STK36: variants seen among roughly 807,000 people sequenced by gnomAD.
The protein encoded by STK36 is serine/threonine kinase 36.
STK36 carries 116 observed loss-of-function variants against 142.2 expected under a neutral mutation model. The ratio of observed to expected loss-of-function variants is 0.82; its 90% CI spans 0.70 to 0.95. The LOEUF (loss-of-function observed/expected upper bound fraction) is 0.95. STK36 is among the 40% of genes least tolerant of loss of function. STK36 has a pLI of 0.00. For missense variants in STK36, 1,422 were observed against 1,617.2 expected (o/e 0.88, Z 2.07); for synonymous variants, 619 against 641.7 (o/e 0.96, Z 0.53).
rs1282789350 is a variant in STK36 at position 218,692,689 on chromosome 2, C to T, written c.2022C>T (p.Asp674=). The change falls in exon 16 of 27, where the codon GAC becomes GAT. Residue 674 remains aspartate, a synonymous_variant. Coordinates refer to ENST00000295709, the MANE Select transcript of STK36 (RefSeq NM_015690.5). ...GCACTGCTCCTGTGGGACTGCCCGACTGCTGGGATGCCAAGGAGCAGGTCC... is the reference window on the plus strand; with the variant it reads ...GCACTGCTCCTGTGGGACTGCCCGATTGCTGGGATGCCAAGGAGCAGGTCC... ...AICTAPVGLP[D]CWDAKEQVCW... 19 of 1,613,280 alleles carry T rather than the reference C, an allele frequency of 1.2e-5. No individual in the cohort carries two copies. In the East Asian group the frequency reaches 4.2e-4, roughly 36 times the overall value.
At position 218,697,590 on chromosome 2, in the gene STK36, C is replaced by T; in HGVS notation, c.2889C>T (p.Phe963=). 3 of 1,614,184 alleles carry T rather than the reference C, an allele frequency of 1.9e-6. No individual in the cohort carries two copies. Among genetic ancestry groups the T allele is most frequent in the African/African-American group, 1.3e-5 (1 of 75,060 alleles). Residue 963 remains phenylalanine, a synonymous_variant, in exon 24 of 27, where the codon TTC becomes TTT. Transcript: ENST00000295709. ...TGAAGCATCTGCTTTGCCCCAGCTT[C>T]CTGAATCAACTGCGCCAGGCGTGAG... ...SILKHLLCPS[F]LNQLRQAPHG... is the part of the protein sequence containing the mutation.
intron 6 of STK36, among the ~76,000 whole-genome samples, chr2:218,677,248 T>TA (rs1322841077): frequency 1.3e-5 from 2 of 152,186 alleles, no homozygotes; most frequent in African/African-American, 4.8e-5. Context: ...TACACACTTT[T>TA]AAACAGCCAG....
At chr2:218,701,056 G>A (rs1239339600) in intron 26 of STK36, among the ~76,000 whole-genome samples, 1 of 151,026 alleles carries the variant, frequency 6.6e-6, no homozygotes, top group African/African-American at 2.4e-5. Context: ...ATCTACATAT[G>A]GTAATATAAA....
chr2:218,680,373 AAC>A (rs1940461215), intron 9 of STK36, among the ~76,000 whole-genome samples: 1 of 152,190 alleles, frequency 6.6e-6, no homozygotes, highest in Non-Finnish European at 1.5e-5. Context: ...CATAGGTGAA[AAC>A]TGCAAAGTAG....
chr2:218,682,631 G>A (rs957256621), intron 10 of STK36, among the ~76,000 whole-genome samples: 1 of 152,086 alleles, frequency 6.6e-6, no homozygotes, highest in Admixed American at 6.6e-5. Context: ...GTCTTACTCT[G>A]TTGCCAGGGT....
chr2:218,695,730 G>C (rs906429759), intron 21 of STK36, among the ~76,000 whole-genome samples: 1 of 150,660 alleles, frequency 6.6e-6, no homozygotes, highest in Non-Finnish European at 1.5e-5. Context: ...TAGAGATGGG[G>C]TTTCACCATG....
chr2:218,682,029 G>A (rs1001891530), intron 10 of STK36, among the ~76,000 whole-genome samples: 4 of 152,200 alleles, frequency 2.6e-5, no homozygotes, highest in African/African-American at 9.6e-5. Flanking sequence ...CTGGGTTCAA[G>A]CGATTCTCCT....
rs1383899479 is a variant in STK36 at position 218,690,110 on chromosome 2, G to A, written c.1658+154G>A. Among the ~76,000 whole-genome samples, 7 of 152,146 alleles carry A rather than the reference G, an allele frequency of 4.6e-5. No individual in the cohort carries two copies. In the East Asian group the frequency reaches 1.3e-3, roughly 29 times the overall value. On this transcript the variant is annotated intron_variant, in intron 13 of 26. Coordinates refer to ENST00000295709, the MANE Select transcript of STK36 (RefSeq NM_015690.5). ...AGTGGCCACTCATAGTCCTTTTAAGGACCCTAAGACAGCTCCAACTTGGCC... is the reference window on the plus strand; with the variant it reads ...AGTGGCCACTCATAGTCCTTTTAAGAACCCTAAGACAGCTCCAACTTGGCC...
chr2:218,688,593 T>C (rs1032752879), intron 11 of STK36, 104 bp from the exon 12 acceptor site: 109 of 1,244,412 alleles, frequency 8.8e-5, no homozygotes, highest in Admixed American at 6.8e-5. Context: ...AATGCAAGCA[T>C]GTGGTCTGCT....
rs1461194683 is a variant in STK36 at position 218,694,014 on chromosome 2, A to G, written c.2336+31A>G. On this transcript the variant is annotated intron_variant, in intron 19 of 26. Coordinates refer to ENST00000295709, the MANE Select transcript of STK36 (RefSeq NM_015690.5). The surrounding 1 kb of genome is among the most constrained non-coding windows in gnomAD (Gnocchi z 4.4). ...TCATAAAGTAGGGTGTCTCCACAGA[A>G]GTCTTCTAGCCACATAGCTAACCCT... 1 of 1,604,594 alleles carries G rather than the reference A, an allele frequency of 6.2e-7. No homozygotes were observed. Among genetic ancestry groups the G allele is most frequent in the Non-Finnish European group, 8.5e-7 (1 of 1,171,462 alleles).
chr2:218,698,458 T>C (rs1257344380), intron 25 of STK36, 144 bp from the exon 26 acceptor site: 35 of 951,076 alleles, frequency 3.7e-5, no homozygotes, highest in Admixed American at 1.6e-4. Context: ...TTGTGTCTCA[T>C]GTGGAGTGCT....
intron 26 of STK36, 70 bp from the exon 27 acceptor site, chr2:218,701,796 C>A: frequency 6.4e-7 from 1 of 1,566,990 alleles, no homozygotes; most frequent in South Asian, 1.2e-5. Context: ...GAGAGTCCTC[C>A]GCACCTGCCC....
At chr2:218,693,085 G>GCC (rs1424813857) in intron 16 of STK36, among the ~76,000 whole-genome samples, 155 bp from the exon 17 acceptor site, 1 of 152,244 alleles carries the variant, frequency 6.6e-6, no homozygotes, top group African/African-American at 2.4e-5. Flanking sequence ...CTCTATTGGT[G>GCC]ATGAAGACTG....
At chr2:218,695,527 CTTT>C (rs964956273) in intron 21 of STK36, among the ~76,000 whole-genome samples, 15 of 73,038 alleles carry the variant, frequency 2.1e-4, no homozygotes, top group African/African-American at 2.2e-4. Context: ...CATGTCCAGT[CTTT>C]TTTTTTTTTT....
rs1941330818 is a variant in STK36, at chr2:218,698,751, C to T, written c.3207C>T (p.Ala1069=). The T allele has an allele frequency of 6.2e-7, 1 of 1,614,188 alleles. No homozygotes were observed. Residue 1069 remains alanine (A), a synonymous_variant, in exon 26 of 27, where the codon GCC becomes GCT. Transcript: ENST00000295709. ...CCATCGTCTCGTTTCTCTCAGTTGC[C>T]CTCCTGAGTGACCAGCCACTGTTGA... ...PRTIVSFLSV[A]LLSDQPLLTS...
intron 8 of STK36, 81 bp from the exon 9 acceptor site, chr2:218,679,812 G>A (rs1940429237): frequency 6.2e-7 from 1 of 1,606,980 alleles, no homozygotes; most frequent in Admixed American, 1.7e-5. Context: ...TCTAGGGTTG[G>A]AGAAGGGCCG....
At position 218,680,090 on chromosome 2, in the gene STK36, G is replaced by A. The variant is rs776993270; in HGVS notation, c.1136+10G>A. On this transcript the variant is annotated intron_variant, in intron 9 of 26. Transcript: ENST00000295709. ...TGCCCTCTGCACCTCGGTGAGAAGG[G>A]TATAGTTAGGGATTTGTAGGGTGAG... The A allele has an allele frequency of 1.5e-5, 24 of 1,612,942 alleles. No individual in the cohort carries two copies. Among genetic ancestry groups the A allele is most frequent in the Non-Finnish European group, 7.6e-6 (9 of 1,179,522 alleles).
chr2:218,690,600 C>T, intron 14 of STK36, 45 bp downstream of exon 14: 1 of 1,441,566 alleles, frequency 6.9e-7, no homozygotes, highest in Non-Finnish European at 9.8e-7. Context: ...CTATCATTCT[C>T]CGTGTTTCTC....
rs1941264822 is a variant in STK36, at chr2:218,697,136, C to T, written c.2684C>T (p.Ala895Val). Residue 895 changes from alanine to valine, a missense_variant, in exon 23 of 27, where the codon GCA becomes GTA. Transcript: ENST00000295709. The part of the protein sequence containing the change: ...FSMVLRLPEE[A>V]SAQEGELSLS... ...ATGGTCCTGAGGCTCCCCGAGGAGG[C>T]ATCTGCACAGGAAGGGGAGCTTTCG... 1 of 1,614,070 alleles carries T rather than the reference C, an allele frequency of 6.2e-7. No individual in the cohort carries two copies. The highest frequency in any genetic ancestry group is 1.1e-5 in the South Asian group (1 of 91,086).
Sources: allele counts gnomAD v4.1 joint callset (sites outside exome capture counted in the v4.1 genomes callset), GRCh38; gene constraint gnomAD v4.1.1; non-coding constraint Gnocchi (gnomAD v3.1); transcripts MANE v1.5; gene names NCBI Gene and HGNC (gene_info 2026-07-23, HGNC 2026-07-21).